Variants in TMC1 observed in about 807,000 individuals in gnomAD.
The protein encoded by TMC1 is transmembrane channel-like protein 1.
A neutral mutation model predicts 105.8 loss-of-function variants in TMC1; 84 were observed. That is an observed-to-expected ratio of 0.79 (90% CI 0.67 to 0.95). The LOEUF (loss-of-function observed/expected upper bound fraction) is 0.95. TMC1 is among the 40% of genes least tolerant of loss of function. TMC1 has a pLI of 0.00. For missense variants in TMC1, 817 were observed against 914.1 expected (o/e 0.89, Z 1.37); for synonymous variants, 315 against 311.5 (o/e 1.01, Z -0.12).
At chr9:72,739,975 T>G (rs1435957137) in intron 8 of TMC1, 144 bp from the exon 9 acceptor site, 2 of 633,226 alleles carry the variant, frequency 3.2e-6, no homozygotes, top group East Asian at 5.6e-5. Flanking sequence ...ATTTCTAGGT[T>G]ATGAAATACA....
At chr9:72,562,964 CAAATAAAATA>C (rs1018851659) in intron 1 of TMC1, among the ~76,000 whole-genome samples, 4 of 151,884 alleles carry the variant, frequency 2.6e-5, no homozygotes, top group African/African-American at 9.7e-5. Context: ...GACTCCGTCT[CAAATAAAATA>C]AAATAAAAAA....
intron 1 of TMC1, among the ~76,000 whole-genome samples, chr9:72,549,738 G>A (rs1166257425): frequency 6.6e-6 from 1 of 151,828 alleles, no homozygotes; most frequent in Non-Finnish European, 1.5e-5. Context: ...AGCCTCCTGA[G>A]TAGCTGGGAC....
intron 8 of TMC1, among the ~76,000 whole-genome samples, chr9:72,732,751 C>T (rs1259149025): frequency 6.6e-6 from 1 of 152,136 alleles, no homozygotes; most frequent in Non-Finnish European, 1.5e-5. Context: ...AAGAGTAGAG[C>T]TGTGCTACTT....
chr9:72,784,043 G>T (rs1828132253), intron 13 of TMC1, among the ~76,000 whole-genome samples: 2 of 152,070 alleles, frequency 1.3e-5, no homozygotes, highest in Non-Finnish European at 2.9e-5. Context: ...AAAAGCAATT[G>T]CAATAAAAAC....
At chr9:72,800,183 G>C (rs1386666198) in intron 17 of TMC1, among the ~76,000 whole-genome samples, 2 of 152,186 alleles carry the variant, frequency 1.3e-5, no homozygotes, top group Non-Finnish European at 2.9e-5. Context: ...CATGGTACTT[G>C]GGTCTCCCTG....
At position 72,694,567 on chromosome 9, in the gene TMC1, A is replaced by T; in HGVS notation, c.89A>T (p.Asp30Val). The change falls in exon 7 of 24, where the codon GAT becomes GTT. Residue 30 changes from aspartate (D) to valine (V), a missense_variant. Coordinates refer to ENST00000297784, the MANE Select transcript of TMC1 (RefSeq NM_138691.3). ...GGTGAAGAGGAAGAGGAGGTGGAAG[A>T]TAAGCTACCTCGAAGAGAGAGCTTG... is the stretch of plus-strand genomic sequence containing the variant. The part of the protein sequence containing the change: ...SSSEEEEEVE[D>V]KLPRRESLRP... 4.3e-6 allele frequency: 7 copies of T among 1,612,860 alleles called. No individual in the cohort carries two copies. Among genetic ancestry groups the T allele is most frequent in the Non-Finnish European group, 5.1e-6 (6 of 1,179,308 alleles).
intron 5 of TMC1, chr9:72,655,925 A>C: frequency 1.3e-6 from 1 of 798,962 alleles, no homozygotes; most frequent in Non-Finnish European, 2.2e-6. Context: ...TGAGCAAGTC[A>C]ATGAGTCGCT....
At chr9:72,605,977 A>G (rs1400566956) in intron 2 of TMC1, among the ~76,000 whole-genome samples, 1 of 152,158 alleles carries the variant, frequency 6.6e-6, no homozygotes, top group Non-Finnish European at 1.5e-5. Context: ...GTATGGCTTC[A>G]TTTAACCTTA....
At chr9:72,589,788 A>G (rs1004615785) in intron 2 of TMC1, among the ~76,000 whole-genome samples, 8 of 152,228 alleles carry the variant, frequency 5.3e-5, no homozygotes, top group African/African-American at 1.9e-4. Context: ...GCCAAAAACA[A>G]CTTTAAAGGT....
At position 72,788,351 on chromosome 9, in the gene TMC1, C is replaced by T; in HGVS notation, c.897C>T (p.Asn299=). Residue 299 remains asparagine (N), a synonymous_variant, in exon 14 of 24, where the codon AAC becomes AAT. Transcript: ENST00000297784. ...FLVVLKAMTK[N]IGDDGGGDDN... Reference sequence around the variant, plus strand: ...CCTGTTTTTGCAGAATGACCAAAAACATTGGTGATGATGGAGGTGGAGATG... The same window carrying T: ...CCTGTTTTTGCAGAATGACCAAAAATATTGGTGATGATGGAGGTGGAGATG... 1 of 1,613,970 alleles carries T rather than the reference C, an allele frequency of 6.2e-7. No homozygotes were observed. Among genetic ancestry groups the T allele is most frequent in the Non-Finnish European group, 8.5e-7 (1 of 1,179,904 alleles).
At chr9:72,766,913 G>A (rs1047295659) in intron 12 of TMC1, among the ~76,000 whole-genome samples, 1 of 152,240 alleles carries the variant, frequency 6.6e-6, no homozygotes, top group African/African-American at 2.4e-5. Context: ...GGGTCTGGCT[G>A]GAGAGGAGGA....
At chr9:72,608,733 T>G (rs1230648163) in intron 2 of TMC1, among the ~76,000 whole-genome samples, 2 of 151,532 alleles carry the variant, frequency 1.3e-5, no homozygotes, top group Non-Finnish European at 2.9e-5. Context: ...AGTTTTGCAA[T>G]TAGGAGACAT....
At chr9:72,709,910 T>G (rs1826807401) in intron 8 of TMC1, among the ~76,000 whole-genome samples, 1 of 152,144 alleles carries the variant, frequency 6.6e-6, no homozygotes, top group Admixed American at 6.6e-5. Context: ...CTATTTGGGT[T>G]TGGTTTGTTT....
intron 1 of TMC1, among the ~76,000 whole-genome samples, chr9:72,526,874 C>A (rs764061960): frequency 2.0e-5 from 3 of 152,210 alleles, no homozygotes; most frequent in Non-Finnish European, 4.4e-5. Flanking sequence ...ACTCTTCCTT[C>A]CAGAGTTGTG....
At chr9:72,652,002 T>C (rs771794711) in intron 5 of TMC1, among the ~76,000 whole-genome samples, 5 of 152,272 alleles carry the variant, frequency 3.3e-5, no homozygotes, top group Middle Eastern at 3.4e-3. Flanking sequence ...TGAGAACATA[T>C]GATGTTTGGT....
intron 2 of TMC1, among the ~76,000 whole-genome samples, chr9:72,579,399 GCCAGAATCAC>G (rs927092898): frequency 1.4e-4 from 21 of 152,054 alleles, no homozygotes; most frequent in Admixed American, 1.3e-3. Flanking sequence ...CGGGCCTGGC[GCCAGAATCAC>G]CCAGGCTCCA....
At chr9:72,705,236 C>T (rs1042365173) in intron 8 of TMC1, among the ~76,000 whole-genome samples, 6 of 152,146 alleles carry the variant, frequency 3.9e-5, no homozygotes, top group Admixed American at 2.6e-4. Context: ...AGACTTTTAA[C>T]TGTATCAGAA....
At chr9:72,739,571 T>G (rs1419600328) in intron 8 of TMC1, among the ~76,000 whole-genome samples, 1 of 152,210 alleles carries the variant, frequency 6.6e-6, no homozygotes, top group Admixed American at 6.5e-5. Flanking sequence ...GCCGAAAGTA[T>G]TCCTTTTCTC....
intron 18 of TMC1, among the ~76,000 whole-genome samples, chr9:72,810,832 A>G (rs1240697786): frequency 6.6e-6 from 1 of 152,190 alleles, no homozygotes; most frequent in African/African-American, 2.4e-5. Context: ...TGTTGTGATG[A>G]CATTTAATTA....
Sources: allele counts gnomAD v4.1 joint callset (sites outside exome capture counted in the v4.1 genomes callset), GRCh38; gene constraint gnomAD v4.1.1; transcripts MANE v1.5; gene names NCBI Gene and HGNC (gene_info 2026-07-23, HGNC 2026-07-21).